The following SNRNP48 variants were observed in gnomAD, a reference collection of about 807,000 sequenced individuals.
The protein encoded by SNRNP48 is U11/U12 small nuclear ribonucleoprotein 48 kDa protein.
In SNRNP48, 43 loss-of-function variants were observed where a neutral mutation model predicts 47.0. That is an observed-to-expected ratio of 0.92 (90% confidence interval 0.72 to 1.18). The LOEUF is 1.18. Among genes scored for constraint, SNRNP48 ranks in the 50% most tolerant of loss-of-function variants. The pLI is 0.00. For missense variants in SNRNP48, 396 were observed against 422.2 expected (o/e 0.94, Z 0.54); for synonymous variants, 138 against 144.0 (o/e 0.96, Z 0.30).
chr6:7,603,847 A>T (rs1023954850), intron 6 of SNRNP48, among the ~76,000 whole-genome samples: 2 of 152,150 alleles, frequency 1.3e-5, no homozygotes, highest in Non-Finnish European at 2.9e-5. Context: ...CTCATCAGTT[A>T]TTTCTTCTCT....
intron 1 of SNRNP48, among the ~76,000 whole-genome samples, chr6:7,591,562 A>G (rs116456226): frequency 1.1e-3 from 164 of 152,280 alleles, no homozygotes; most frequent in African/African-American, 3.4e-3. Flanking sequence ...AAAAATCTTT[A>G]ATATTCATTT....
chr6:7,604,751 G>T (rs886784943), intron 6 of SNRNP48, among the ~76,000 whole-genome samples: 1 of 152,126 alleles, frequency 6.6e-6, no homozygotes, highest in African/African-American at 2.4e-5. Flanking sequence ...CTTTCAAGTG[G>T]TTTTTACCTA....
chr6:7,598,843 C>A (rs1165905681), intron 4 of SNRNP48, among the ~76,000 whole-genome samples: 1 of 152,206 alleles, frequency 6.6e-6, no homozygotes, highest in African/African-American at 2.4e-5. Flanking sequence ...GCTATTCAAT[C>A]TATATACTTA....
intron 4 of SNRNP48, chr6:7,600,030 A>T (rs572619309): frequency 3.0e-6 from 3 of 1,006,716 alleles, no homozygotes; most frequent in East Asian, 2.0e-4. Flanking sequence ...TTATAGCCTA[A>T]TTCAAAGGAA....
Position 7,593,814 on chromosome 6 carries a change from A to T in SNRNP48, c.237A>T (p.Arg79Ser). The T allele has an allele frequency of 6.3e-7, 1 of 1,597,618 alleles. No individual in the cohort carries two copies. The highest frequency in any genetic ancestry group is 8.5e-7 in the Non-Finnish European group (1 of 1,172,152). ...SSLAKHMASCRLRKMGYTKEE... is the reference protein window; with the variant it reads ...SSLAKHMASCSLRKMGYTKEE... ...TGGCAAAGCACATGGCATCTTGTAG[A>T]TTGAGGAAAATGGGCTATACCAAAG... Residue 79 changes from arginine (R) to serine (S), a missense_variant, in exon 2 of 9, where the codon AGA becomes AGT. By Grantham distance (110) the Arg-to-Ser change is moderately radical. Coordinates refer to ENST00000342415, the MANE Select transcript of SNRNP48 (RefSeq NM_152551.4).
At chr6:7,591,336 G>GT (rs1346602580) in intron 1 of SNRNP48, among the ~76,000 whole-genome samples, 1 of 152,150 alleles carries the variant, frequency 6.6e-6, no homozygotes, top group Middle Eastern at 3.4e-3. Context: ...CGTGATTTTT[G>GT]TTTTTTTGTG....
intron 1 of SNRNP48, among the ~76,000 whole-genome samples, chr6:7,592,782 G>T (rs1449131248): frequency 2.0e-5 from 3 of 152,094 alleles, no homozygotes; most frequent in African/African-American, 7.2e-5. Context: ...AGGAGATGGT[G>T]TTGTATTCCA....
chr6:7,593,064 A>C (rs892864330), intron 1 of SNRNP48, among the ~76,000 whole-genome samples: 10 of 152,110 alleles, frequency 6.6e-5, no homozygotes, highest in African/African-American at 2.4e-4. Context: ...AATATACGGT[A>C]CTGGAGAGAA....
At chr6:7,591,528 G>T (rs1759819609) in intron 1 of SNRNP48, among the ~76,000 whole-genome samples, 1 of 152,044 alleles carries the variant, frequency 6.6e-6, no homozygotes, top group South Asian at 2.1e-4. Flanking sequence ...ATTGTTTATT[G>T]TATTAAAAGC....
At chr6:7,599,684 A>C in intron 4 of SNRNP48, 1 of 1,283,196 alleles carries the variant, frequency 7.8e-7, no homozygotes, top group Non-Finnish European at 1.0e-6. Context: ...AATTGGGGTG[A>C]GTATAAAGAG....
chr6:7,599,945 T>C, intron 4 of SNRNP48: 1 of 1,009,882 alleles, frequency 9.9e-7, no homozygotes, highest in Non-Finnish European at 1.2e-6. Flanking sequence ...TGTTTAAAAA[T>C]AACAGGCAAA....
At position 7,610,496 on chromosome 6, in the gene SNRNP48, G is replaced by A. The variant is rs1301874172; in HGVS notation, c.*1623G>A. The A allele has an allele frequency of 6.6e-6, 1 of 152,116 alleles. No individual in the cohort carries two copies. The highest frequency in any genetic ancestry group is 1.5e-5 in the Non-Finnish European group (1 of 68,016). 9.4% of individuals were successfully genotyped at this position (152,116 alleles called of 1,614,324 possible). ...AGATCAAAACTACTTGAATCATCAG[G>A]AATTTCATATTTTTCATATTGTGTG... is the stretch of plus-strand genomic sequence containing the variant. On this transcript the variant is annotated 3_prime_UTR_variant, in exon 9 of 9. Transcript: ENST00000342415.
rs779050573 is a variant in SNRNP48, at chr6:7,601,418, C to G, written c.489C>G (p.Ala163=). 1.2e-6 allele frequency: 2 copies of G among 1,602,966 alleles called. No individual in the cohort carries two copies. Among genetic ancestry groups the G allele is most frequent in the Admixed American group, 3.6e-5 (2 of 55,996 alleles). The change falls in exon 5 of 9, where the codon GCC becomes GCG. Residue 163 remains alanine, a synonymous_variant. Coordinates refer to ENST00000342415, the MANE Select transcript of SNRNP48 (RefSeq NM_152551.4). Reference sequence around the variant, plus strand: ...ATCTAACTCAAGCTGATCGTCTTGCCCTCTATGATTTCGTAGTTGAGGAGA... The same window carrying G: ...ATCTAACTCAAGCTGATCGTCTTGCGCTCTATGATTTCGTAGTTGAGGAGA... ...VCDLTQADRL[A]LYDFVVEETK...
chr6:7,596,666 G>A (rs1759909609), intron 4 of SNRNP48, among the ~76,000 whole-genome samples: 1 of 152,136 alleles, frequency 6.6e-6, no homozygotes, highest in Admixed American at 6.5e-5. Context: ...TTGTTTTGAG[G>A]TTCCCACTTT....
rs148291598 is a variant in SNRNP48 at position 7,601,430 on chromosome 6, C to T, written c.501C>T (p.Phe167=). Residue 167 remains phenylalanine (F), a synonymous_variant, in exon 5 of 9, where the codon TTC becomes TTT. Transcript: ENST00000342415. ...CTGATCGTCTTGCCCTCTATGATTT[C>T]GTAGTTGAGGAGACAAAGAAAAAGC... ...TQADRLALYD[F]VVEETKKKRS... is the part of the protein sequence containing the mutation. 511 of 1,604,018 alleles carry T rather than the reference C, an allele frequency of 3.2e-4. 5 individuals are homozygous for T. The highest frequency in any genetic ancestry group is 2.3e-4 in the Admixed American group (13 of 56,370).
chr6:7,602,725 C>G lies in SNRNP48; in HGVS notation c.698C>G (p.Thr233Ser), dbSNP rs755791711. 1.3e-6 allele frequency: 2 copies of G among 1,584,592 alleles called. No homozygotes were observed. Among genetic ancestry groups the G allele is most frequent in the African/African-American group, 2.7e-5 (2 of 73,154 alleles). ...QSYRAKNVHI[T>S]KKSYTEVIRD... ...TATAGAGCCAAGAATGTTCACATAA[C>G]CAAGAAATCATATACTGAGGTAAGT... Residue 233 changes from threonine (T) to serine (S), a missense_variant, in exon 6 of 9, where the codon ACC becomes AGC. Transcript: ENST00000342415.
chr6:7,606,053 T>G lies in SNRNP48; in HGVS notation c.829T>G (p.Ser277Ala). ...TAGGAATGAAGAAAGGCGATCAGCT[T>G]CAGTAGATTCACGGCAGTCTGGTGG... ...AEKNEERRSA[S>A]VDSRQSGGSY... The change falls in exon 8 of 9, where the codon TCA (serine) becomes GCA (alanine). Residue 277 changes from serine (S) to alanine (A), a missense_variant. Coordinates refer to ENST00000342415, the MANE Select transcript of SNRNP48 (RefSeq NM_152551.4). The G allele has an allele frequency of 6.2e-7, 1 of 1,603,152 alleles. No homozygotes were observed. The highest frequency in any genetic ancestry group is 8.5e-7 in the Non-Finnish European group (1 of 1,177,366).
intron 6 of SNRNP48, 117 bp downstream of exon 6, chr6:7,602,861 A>G (rs1050891355): frequency 1.0e-5 from 9 of 862,048 alleles, no homozygotes; most frequent in South Asian, 6.4e-5. Flanking sequence ...GGGTGGCCAC[A>G]CCTGATTTGT....
chr6:7,601,533 T>G lies in SNRNP48; in HGVS notation c.595+9T>G. 1 of 1,563,344 alleles carries G rather than the reference T, an allele frequency of 6.4e-7. No individual in the cohort carries two copies. The highest frequency in any genetic ancestry group is 8.6e-7 in the Non-Finnish European group (1 of 1,162,098). ...TGCCAAAATCAATCAAGGTTTGAGA[T>G]GCACATCATGGCTTTACATTTCTTC... On this transcript the variant is annotated intron_variant, in intron 5 of 8. Transcript: ENST00000342415.
Sources: gnomAD v4.1 joint callset for allele counts (sites outside exome capture counted in the v4.1 genomes callset) on GRCh38, gnomAD v4.1.1 for gene constraint, MANE v1.5 for transcripts, NCBI Gene and HGNC (gene_info 2026-07-23, HGNC 2026-07-21) for gene names.